The following TNRC6A variants were observed in gnomAD, a reference collection of about 807,000 sequenced individuals.
TNRC6A encodes trinucleotide repeat containing adaptor 6A, also known as trinucleotide repeat-containing gene 6A protein.
A neutral mutation model predicts 221.2 loss-of-function variants in TNRC6A; 44 were observed. The observed-to-expected ratio is 0.20, with a 90% confidence interval of 0.16 to 0.26. The LOEUF is 0.26. TNRC6A is among the 10% of genes least tolerant of loss of function. The pLI, the probability that TNRC6A is intolerant of heterozygous loss-of-function variation, is 1.00. For synonymous variants in TNRC6A, 847 were observed against 838.5 expected (o/e 1.01, Z -0.18); for missense variants, 2,199 against 2,404.4 (o/e 0.91, Z 1.79).
intron 2 of TNRC6A, among the ~76,000 whole-genome samples, chr16:24,695,100 G>A (rs1483819098): frequency 6.6e-6 from 1 of 152,100 alleles, no homozygotes; most frequent in Non-Finnish European, 1.5e-5. Flanking sequence ...AGTGTACTGG[G>A]CCCTGTGCTA....
rs375937981 is a variant in TNRC6A at position 24,689,041 on chromosome 16, G to A, written n.402+48032G>A. ...TAATCATGCAACTGCACTCTAGCCT[G>A]TGCAACAGAGCCAAGGCCCTATTTC... On this transcript the variant is annotated intron_variant and non_coding_transcript_variant, in intron 2 of 2. Transcript: ENST00000566108. Among the ~76,000 whole-genome samples the A allele has an allele frequency of 6.6e-5, 10 of 152,254 alleles. No individual in the cohort carries two copies. In the East Asian group the frequency reaches 1.9e-3, roughly 29 times the overall value.
chr16:24,618,642 A>ATTT (rs61228496), intron 1 of TNRC6A, among the ~76,000 whole-genome samples: 26 of 88,066 alleles, frequency 3.0e-4, no homozygotes, highest in Non-Finnish European at 4.2e-4. Context: ...CATTTCATGA[A>ATTT]TTTTTTTTTT....
At chr16:24,699,560 A>T (rs2055927770) in intron 2 of TNRC6A, among the ~76,000 whole-genome samples, 4 of 152,120 alleles carry the variant, frequency 2.6e-5, no homozygotes, top group Middle Eastern at 6.8e-3. Flanking sequence ...TCTACAAAAA[A>T]TTTTTAAAAT....
At chr16:24,644,172 T>C in intron 2 of TNRC6A, among the ~76,000 whole-genome samples, 1 of 138,114 alleles carries the variant, frequency 7.2e-6, no homozygotes, top group Non-Finnish European at 1.5e-5. Context: ...CTGCAAGCTC[T>C]GCCTTCCGGA....
chr16:24,712,654 G>A (rs112586865), intron 2 of TNRC6A, among the ~76,000 whole-genome samples: 3 of 152,306 alleles, frequency 2.0e-5, no homozygotes, highest in African/African-American at 7.2e-5. Context: ...CTCTGAAGAA[G>A]TTTATTTTAC....
Position 24,682,466 on chromosome 16 carries a change from G to A in TNRC6A, n.402+41457G>A, listed in dbSNP as rs146443664. Among the ~76,000 whole-genome samples the A allele has an allele frequency of 5.2e-3, 778 of 150,752 alleles. 8 individuals are homozygous for A. The highest frequency in any genetic ancestry group is 0.018 in the African/African-American group (747 of 40,872). ...TGGTCTCAAACTCCTGGACTCAAGCGGTCTGCCTGCCTCGGCCTCCCTAAG... is the reference window on the plus strand; with the variant it reads ...TGGTCTCAAACTCCTGGACTCAAGCAGTCTGCCTGCCTCGGCCTCCCTAAG... On this transcript the variant is annotated intron_variant and non_coding_transcript_variant, in intron 2 of 2. Coordinates refer to the TNRC6A transcript ENST00000566108.
chr16:24,636,757 A>C (rs148860474), intron 1 of TNRC6A, among the ~76,000 whole-genome samples: 12 of 152,242 alleles, frequency 7.9e-5, no homozygotes, highest in Non-Finnish European at 1.5e-4. Context: ...ATTTTTAATT[A>C]CTAAATCAAT....
intron 6 of TNRC6A, among the ~76,000 whole-genome samples, chr16:24,792,350 A>C (rs775177610): frequency 6.6e-6 from 1 of 152,140 alleles, no homozygotes; most frequent in Non-Finnish European, 1.5e-5. Flanking sequence ...ACTAATTCCT[A>C]TCTCTGCAAA....
intron 2 of TNRC6A, among the ~76,000 whole-genome samples, chr16:24,710,096 A>G (rs2056175889): frequency 6.6e-6 from 1 of 151,800 alleles, no homozygotes. Flanking sequence ...GCAGTGGCAC[A>G]TGCCTGTAAT....
chr16:24,806,770 G>C lies in TNRC6A; in HGVS notation c.4526G>C (p.Ser1509Thr). The C allele has an allele frequency of 3.1e-6, 5 of 1,614,146 alleles. No individual in the cohort carries two copies. The highest frequency in any genetic ancestry group is 1.1e-5 in the South Asian group (1 of 91,074). ...GGGCCATCACCAATAAATGCTTTCA[G>C]CAACTTCCCTATAGGTGGGTTTCTC... Reference protein sequence around the residue: ...QKGPSPINAFSNFPIGLNSNL... With the variant: ...QKGPSPINAFTNFPIGLNSNL... Residue 1509 changes from serine (S) to threonine (T), a missense_variant, in exon 17 of 25, where the codon AGC (serine) becomes ACC (threonine). Coordinates refer to ENST00000395799, the MANE Select transcript of TNRC6A (RefSeq NM_014494.4).
intron 2 of TNRC6A, among the ~76,000 whole-genome samples, chr16:24,677,677 G>T (rs1307751606): frequency 6.6e-6 from 1 of 152,172 alleles, no homozygotes; most frequent in Non-Finnish European, 1.5e-5. Flanking sequence ...GCCTTGTCTT[G>T]TCTCTGCTCT....
chr16:24,762,363 A>G (rs2057382576), intron 4 of TNRC6A, among the ~76,000 whole-genome samples: 1 of 152,206 alleles, frequency 6.6e-6, no homozygotes. Context: ...CATATTGTAG[A>G]CATTATTATA....
chr16:24,675,706 A>ATATG (rs2055406798), intron 2 of TNRC6A, among the ~76,000 whole-genome samples: 1 of 42,412 alleles, frequency 2.4e-5, no homozygotes, highest in African/African-American at 1.0e-4. Flanking sequence ...CTCTCTCTAT[A>ATATG]TATATATATA....
At chr16:24,653,543 A>G (rs1253855631) in intron 2 of TNRC6A, among the ~76,000 whole-genome samples, 2 of 152,222 alleles carry the variant, frequency 1.3e-5, no homozygotes, top group African/African-American at 2.4e-5. Flanking sequence ...TGGGAGGCTG[A>G]GGCGGGCAGA....
At chr16:24,776,768 A>T in intron 4 of TNRC6A, 165 bp from the exon 5 acceptor site, 1 of 985,438 alleles carries the variant, frequency 1.0e-6, no homozygotes, top group Non-Finnish European at 1.2e-6. Flanking sequence ...TGGCAGTGAC[A>T]TCTCCTAACA....
chr16:24,699,227 C>G (rs972153213), intron 2 of TNRC6A, among the ~76,000 whole-genome samples: 2 of 152,170 alleles, frequency 1.3e-5, no homozygotes, highest in Admixed American at 1.3e-4. Context: ...CACTGATGAA[C>G]TAAGTCCTAT....
Position 24,729,795 on chromosome 16 carries a change from C to CA in TNRC6A, c.-47_-46insA, listed in dbSNP as rs1333215590. The CA allele has an allele frequency of 7.1e-7, 1 of 1,404,790 alleles. No homozygotes were observed. The highest frequency in any genetic ancestry group is 9.3e-7 in the Non-Finnish European group (1 of 1,072,854). 87.0% of individuals were successfully genotyped at this position (1,404,790 alleles called of 1,614,324 possible). On this transcript the variant is annotated 5_prime_UTR_variant, in exon 1 of 25. Transcript: ENST00000395799. ...GCGGCGCTGCGGAGGGCTTGAGGCTCGCGAGCCTCCTTCGCCGCGCCCCAC... is the reference window on the plus strand; with the variant it reads ...GCGGCGCTGCGGAGGGCTTGAGGCTCAGCGAGCCTCCTTCGCCGCGCCCCAC...
At chr16:24,763,593 A>G (rs1217883435) in intron 4 of TNRC6A, among the ~76,000 whole-genome samples, 1 of 152,330 alleles carries the variant, frequency 6.6e-6, no homozygotes, top group East Asian at 1.9e-4. Flanking sequence ...TACTTACGTA[A>G]TAATCCATTA....
intron 2 of TNRC6A, among the ~76,000 whole-genome samples, chr16:24,692,898 A>C (rs12919339): frequency 0.55 from 84,060 of 151,894 alleles, 23,735 homozygotes; most frequent in African/African-American, 0.66. Flanking sequence ...CAGTTCCTGT[A>C]GGCACTAGAC....
Sources: gnomAD v4.1 joint callset for allele counts (sites outside exome capture counted in the v4.1 genomes callset) on GRCh38, gnomAD v4.1.1 for gene constraint, MANE v1.5 for transcripts, NCBI Gene and HGNC (gene_info 2026-07-23, HGNC 2026-07-21) for gene names.